The following GPHN variants were observed in gnomAD, a reference collection of about 807,000 sequenced individuals.
GPHN encodes gephyrin.
GPHN carries 17 observed loss-of-function variants against 95.5 expected under a neutral mutation model. That is an observed-to-expected ratio of 0.18 (90% CI 0.12 to 0.27). The LOEUF (loss-of-function observed/expected upper bound fraction) is 0.27, where lower values mean the gene tolerates loss of function less well. Among genes scored for constraint, GPHN ranks in the 10% least tolerant of loss-of-function variants. The pLI, the probability that GPHN is intolerant of heterozygous loss-of-function variation, is 1.00. For synonymous variants in GPHN, 320 were observed against 322.5 expected (o/e 0.99, Z 0.08); for missense variants, 660 against 978.1 (o/e 0.67, Z 4.34).
intron 5 of GPHN, among the ~76,000 whole-genome samples, chr14:66,913,568 C>T (rs1201571771): frequency 1.3e-5 from 2 of 152,072 alleles, no homozygotes; most frequent in African/African-American, 4.8e-5. Flanking sequence ...GTCTCGAACT[C>T]TGACCTTGTG....
At chr14:67,122,114 C>G in intron 16 of GPHN, 142 bp from the exon 17 acceptor site, 1 of 745,450 alleles carries the variant, frequency 1.3e-6, no homozygotes, top group Non-Finnish European at 2.4e-6. Flanking sequence ...ATTTAAAGAT[C>G]CTTTGGGCAT....
intron 2 of GPHN, among the ~76,000 whole-genome samples, chr14:66,770,727 T>A (rs2153457801): frequency 6.6e-6 from 1 of 152,298 alleles, no homozygotes; most frequent in East Asian, 1.9e-4. Context: ...TTCTGTCGTT[T>A]CAGTTATGTG....
intron 4 of GPHN, among the ~76,000 whole-genome samples, chr14:66,865,841 T>G (rs2063202705): frequency 1.3e-5 from 2 of 152,202 alleles, no homozygotes; most frequent in African/African-American, 2.4e-5. Flanking sequence ...TAAATAATTT[T>G]TGTTGATTAA....
At chr14:67,431,911 CA>C in the GPHN span, among the ~76,000 whole-genome samples, 1 of 152,152 alleles carries the variant, frequency 6.6e-6, no homozygotes, top group Non-Finnish European at 1.5e-5. Flanking sequence ...CTTCATTTTG[CA>C]TATTAAAATC....
the GPHN span, chr14:67,279,279 G>T: frequency 2.0e-5 from 32 of 1,614,042 alleles, no homozygotes; most frequent in Non-Finnish European, 2.6e-5. Context: ...AGAGATGGCT[G>T]TTGACTGCCC....
chr14:67,448,236 T>C, the GPHN span, among the ~76,000 whole-genome samples: 160 of 146,086 alleles, frequency 1.1e-3, no homozygotes, highest in Non-Finnish European at 1.4e-3. Context: ...CCTCCCAGGT[T>C]CAAGCGATTC....
At chr14:66,872,754 G>A (rs1305738409) in intron 4 of GPHN, among the ~76,000 whole-genome samples, 1 of 151,994 alleles carries the variant, frequency 6.6e-6, no homozygotes, top group African/African-American at 2.4e-5. Context: ...AATTAGCCAG[G>A]CATGGTGGTG....
rs1402859810 is a variant in GPHN at position 67,047,362 on chromosome 14, G to GTGTT, written c.1007-11286_1007-11285insGTTT. 1.7e-4 allele frequency among the ~76,000 whole-genome samples: 22 copies of GTGTT among 130,782 alleles called. 1 individual carries two copies. The highest frequency in any genetic ancestry group is 5.6e-4 in the African/African-American group (20 of 35,660). The allele number at this position is 130,782 out of a possible 152,430, so 85.8% of individuals were successfully genotyped here. A position where few individuals can be genotyped will look rare whatever the true frequency, so the allele number is the denominator to read the frequency against. On this transcript the variant is annotated intron_variant, in intron 10 of 22. Coordinates refer to ENST00000478722, the MANE Select transcript of GPHN (RefSeq NM_020806.5). ...TGTGTGTGTGTGTGTGTGTGTGTGTGTTTGTTTTTTTTTTTTTTTTTGAGA... is the reference window on the plus strand; with the variant it reads ...TGTGTGTGTGTGTGTGTGTGTGTGTGTGTTTTTGTTTTTTTTTTTTTTTTTGAGA...
chr14:66,823,134 TG>T (rs2061263040), intron 3 of GPHN: 1 of 152,366 alleles, frequency 6.6e-6, no homozygotes, highest in Non-Finnish European at 1.5e-5. Context: ...CCTGAGTAGC[TG>T]GGACTACAAG....
chr14:67,727,495 T>G, the GPHN span: 1 of 355,118 alleles, frequency 2.8e-6, no homozygotes, highest in Non-Finnish European at 5.4e-6. Flanking sequence ...GTTTTTTTTT[T>G]TTTGAGACTT....
chr14:67,703,092 C>A, the GPHN span, among the ~76,000 whole-genome samples: 1 of 152,122 alleles, frequency 6.6e-6, no homozygotes, highest in Non-Finnish European at 1.5e-5. Context: ...AGTGCTGGGA[C>A]TGCTGGCATG....
chr14:67,440,274 C>A, the GPHN span, among the ~76,000 whole-genome samples: 4 of 152,136 alleles, frequency 2.6e-5, no homozygotes, highest in Admixed American at 6.5e-5. Flanking sequence ...TCCCAAAGAT[C>A]GAACCTCCTT....
At chr14:67,190,176 A>C in the GPHN span, among the ~76,000 whole-genome samples, 2 of 150,134 alleles carry the variant, frequency 1.3e-5, no homozygotes, top group African/African-American at 4.9e-5. Flanking sequence ...CAGCCTCCCA[A>C]AATGCTGGGA....
chr14:66,595,993 G>T (rs544029815), intron 1 of GPHN, among the ~76,000 whole-genome samples: 3 of 152,086 alleles, frequency 2.0e-5, no homozygotes, highest in Non-Finnish European at 4.4e-5. Flanking sequence ...ACCCACAGTG[G>T]GTAGCTCCTC....
At chr14:66,921,388 A>G (rs1180549951) in intron 6 of GPHN, among the ~76,000 whole-genome samples, 2 of 148,682 alleles carry the variant, frequency 1.3e-5, no homozygotes, top group African/African-American at 2.5e-5. Context: ...GGCCGTTTGT[A>G]TATCTTATTT....
chr14:67,043,067 TG>T (rs1196409852), intron 10 of GPHN, among the ~76,000 whole-genome samples: 1 of 152,248 alleles, frequency 6.6e-6, no homozygotes, highest in African/African-American at 2.4e-5. Flanking sequence ...TTGTGATTTT[TG>T]CACATTTATT....
intron 2 of GPHN, among the ~76,000 whole-genome samples, chr14:66,753,800 A>G (rs1370537874): frequency 6.6e-6 from 1 of 152,096 alleles, no homozygotes; most frequent in Non-Finnish European, 1.5e-5. Flanking sequence ...CTGTCACCAC[A>G]ATGTAATTTC....
intron 3 of GPHN, among the ~76,000 whole-genome samples, chr14:66,782,888 T>C (rs2059655432): frequency 6.6e-6 from 1 of 151,856 alleles, no homozygotes; most frequent in Admixed American, 6.6e-5. Flanking sequence ...TTCTGAAAGA[T>C]GGAAAGAAGA....
intron 5 of GPHN, among the ~76,000 whole-genome samples, chr14:66,914,495 A>G (rs553621460): frequency 1.3e-5 from 2 of 152,232 alleles, no homozygotes; most frequent in South Asian, 4.1e-4. Context: ...TTGTACTCCA[A>G]ATTATTTTTC....
Sources: allele counts gnomAD v4.1 joint callset (sites outside exome capture counted in the v4.1 genomes callset), GRCh38; gene constraint gnomAD v4.1.1; transcripts MANE v1.5; gene names NCBI Gene and HGNC (gene_info 2026-07-23, HGNC 2026-07-21).